Variants in ACSM5 observed in about 807,000 individuals in gnomAD.
The protein encoded by ACSM5 is acyl-CoA synthetase medium chain family member 5, also known as acyl-coenzyme A synthetase ACSM5, mitochondrial.
A neutral mutation model predicts 71.6 loss-of-function variants in ACSM5; 56 were observed. That is an observed-to-expected ratio of 0.78 (90% CI 0.63 to 0.98). The LOEUF is 0.98. Among genes scored for constraint, ACSM5 ranks in the 50% least tolerant of loss-of-function variants. The pLI is 0.00. For synonymous variants in ACSM5, 285 were observed against 281.5 expected, an observed-to-expected ratio of 1.01 and a Z score of -0.12; for missense variants, 723 against 726.0, an observed-to-expected ratio of 1.00 and a Z score of 0.05.
intron 7 of ACSM5, among the ~76,000 whole-genome samples, chr16:20,429,337 T>C (rs988325773): frequency 1.3e-5 from 2 of 150,964 alleles, no homozygotes; most frequent in African/African-American, 4.9e-5. Context: ...CTAATTCATC[T>C]ATCCTTTTCA....
At chr16:20,412,676 C>T (rs1448031447) in intron 2 of ACSM5, among the ~76,000 whole-genome samples, 1 of 152,012 alleles carries the variant, frequency 6.6e-6, no homozygotes, top group East Asian at 1.9e-4. Context: ...GGTTTTTGTC[C>T]AAAACAATTA....
At chr16:20,428,596 A>G (rs1031007063) in intron 7 of ACSM5, among the ~76,000 whole-genome samples, 4 of 152,124 alleles carry the variant, frequency 2.6e-5, no homozygotes, top group Non-Finnish European at 4.4e-5. Flanking sequence ...CATCTTTCCT[A>G]ATCACATGAA....
chr16:20,432,154 A>G (rs1178133864), intron 10 of ACSM5, among the ~76,000 whole-genome samples: 1 of 151,938 alleles, frequency 6.6e-6, no homozygotes, highest in East Asian at 1.9e-4. Flanking sequence ...TCTTTTCTTC[A>G]CAGCTTTCTC....
intron 9 of ACSM5, 61 bp downstream of exon 9, chr16:20,431,134 C>T: frequency 6.2e-7 from 1 of 1,600,286 alleles, no homozygotes; most frequent in Non-Finnish European, 8.6e-7. Context: ...ACACACAGGC[C>T]TGGTTGGCAC....
chr16:20,439,975 G>A, intron 13 of ACSM5, 56 bp downstream of exon 13: 1 of 1,603,860 alleles, frequency 6.2e-7, no homozygotes, highest in Non-Finnish European at 8.5e-7. Flanking sequence ...GGCACGCTCT[G>A]CCTGGGCTCC....
intron 3 of ACSM5, among the ~76,000 whole-genome samples, chr16:20,418,894 T>C (rs1966864993): frequency 6.6e-6 from 1 of 152,148 alleles, no homozygotes; most frequent in African/African-American, 2.4e-5. Context: ...CCAGTGATAT[T>C]ATCCCTTGCA....
In ACSM5 at chr16:20,423,965, ACT is replaced by A. The variant is rs1327460297; in HGVS notation, c.818_819del (p.Thr273ArgfsTer15). The A allele has an allele frequency of 1.9e-6, 3 of 1,614,182 alleles. No individual in the cohort carries two copies. The highest frequency in any genetic ancestry group is 2.5e-6 in the Non-Finnish European group (3 of 1,180,008). ...ESDIFWNTTD[T>X]GWVKAAWTLF... is the part of the protein sequence containing the mutation. ...TGACATCTTCTGGAACACGACTGAC[ACT>A]GGCTGGGTGAAGGCAGCCTGGACTC... On this transcript the variant is annotated frameshift_variant, in exon 6 of 14. Coordinates refer to ENST00000331849, the MANE Select transcript of ACSM5 (RefSeq NM_017888.3). LOFTEE classifies it high-confidence loss of function.
chr16:20,434,939 G>A lies in ACSM5; in HGVS notation c.1309-2113G>A, dbSNP rs372320309. Among the ~76,000 whole-genome samples, 161 of 152,326 alleles carry A rather than the reference G, an allele frequency of 1.1e-3. 3 individuals are homozygous for A. The South Asian group carries it at 0.032, about 30-fold the overall frequency. On this transcript the variant is annotated intron_variant, in intron 10 of 13. Transcript: ENST00000331849. ...TTGTATTTTAGAATCAACTTGTCAA[G>A]TTCCTTGGAAAATGTTTGCTAGCAT...
At position 20,424,904 on chromosome 16, in the gene ACSM5, A is replaced by T. The variant is rs538406229; in HGVS notation, c.921+835A>T. The stretch of plus-strand genomic sequence containing the variant: ...GGTGTATATATTTATGGGGTACATG[A>T]GATGTTTTGATGTAGGCATGCAATG... On this transcript the variant is annotated intron_variant, in intron 6 of 13. Transcript: ENST00000331849. Among the ~76,000 whole-genome samples, 63 of 152,338 alleles carry T rather than the reference A, an allele frequency of 4.1e-4. No individual in the cohort carries two copies. In the East Asian group the frequency reaches 5.2e-3, roughly 13 times the overall value.
At chr16:20,435,626 T>G (rs192461392) in intron 10 of ACSM5, among the ~76,000 whole-genome samples, 21 of 152,286 alleles carry the variant, frequency 1.4e-4, no homozygotes, top group Admixed American at 5.2e-4. Flanking sequence ...TCCTCTCCAC[T>G]CCAGACCCAG....
At chr16:20,418,852 AAAGG>A (rs1966864773) in intron 3 of ACSM5, among the ~76,000 whole-genome samples, 1 of 152,200 alleles carries the variant, frequency 6.6e-6, no homozygotes, top group Non-Finnish European at 1.5e-5. Context: ...TCCAGCTCCC[AAAGG>A]AAGGAAGATA....
intron 6 of ACSM5, among the ~76,000 whole-genome samples, chr16:20,427,045 G>A (rs1336409066): frequency 6.6e-6 from 1 of 151,504 alleles, no homozygotes; most frequent in African/African-American, 2.4e-5. Flanking sequence ...GTTCATACCT[G>A]TAATCCCAGC....
intron 6 of ACSM5, among the ~76,000 whole-genome samples, chr16:20,427,098 A>C (rs545991328): frequency 2.6e-5 from 4 of 151,804 alleles, no homozygotes; most frequent in Non-Finnish European, 5.9e-5. Flanking sequence ...GTCAGGAGTT[A>C]AAGACCAGCC....
chr16:20,417,489 T>G (rs1179621815), intron 2 of ACSM5, among the ~76,000 whole-genome samples: 1 of 152,160 alleles, frequency 6.6e-6, no homozygotes, highest in African/African-American at 2.4e-5. Context: ...ATATGAAATA[T>G]CCAGAAGATG....
At position 20,419,598 on chromosome 16, in the gene ACSM5, A is replaced by G. The variant is rs538406242; in HGVS notation, c.623+163A>G. 4 of 662,184 alleles carry G rather than the reference A, an allele frequency of 6.0e-6. No individual in the cohort carries two copies. In the East Asian group the frequency reaches 1.1e-4, roughly 18 times the overall value. 41.0% of individuals were successfully genotyped at this position (662,184 alleles called of 1,614,324 possible). On this transcript the variant is annotated intron_variant, in intron 4 of 13. Coordinates refer to ENST00000331849, the MANE Select transcript of ACSM5 (RefSeq NM_017888.3). Reference sequence around the variant, plus strand: ...GAGCATAATCCTGGTCCCTACCTTAATGTTCAAGGTCCCTCATTCAGTCAG... The same window carrying G: ...GAGCATAATCCTGGTCCCTACCTTAGTGTTCAAGGTCCCTCATTCAGTCAG...
At chr16:20,412,017 T>G in intron 2 of ACSM5, 1 of 335,452 alleles carries the variant, frequency 3.0e-6, no homozygotes, top group South Asian at 2.8e-5. Flanking sequence ...CTGTCTTTGA[T>G]GTTTTTCTCT....
chr16:20,429,832 C>T (rs369985079), intron 8 of ACSM5, 31 bp downstream of exon 8: 168 of 1,607,298 alleles, frequency 1.0e-4, no homozygotes, highest in Non-Finnish European at 1.1e-4. Context: ...GTCCCTACCC[C>T]CCAGGTCCCC....
At position 20,429,820 on chromosome 16, in the gene ACSM5, A is replaced by G. The variant is rs765264407; in HGVS notation, c.1125+19A>G. On this transcript the variant is annotated intron_variant, in intron 8 of 13. Coordinates refer to ENST00000331849, the MANE Select transcript of ACSM5 (RefSeq NM_017888.3). Reference sequence around the variant, plus strand: ...TGAAACGGTGAGTGCTGGAGGGGCCAGGTCCCTACCCCCCAGGTCCCCTCG... The same window carrying G: ...TGAAACGGTGAGTGCTGGAGGGGCCGGGTCCCTACCCCCCAGGTCCCCTCG... 1.9e-6 allele frequency: 3 copies of G among 1,610,666 alleles called. 1 individual carries two copies. Among genetic ancestry groups the G allele is most frequent in the East Asian group, 4.5e-5 (2 of 44,732 alleles).
chr16:20,421,258 G>T lies in ACSM5; in HGVS notation c.624G>T (p.Arg208=). ...CACCTAGTGTATTTACGTTTTACAG[G>T]GAGGCTTCTACAGAGCACAACTGCA... ...PGWLNFRELL[R]EASTEHNCMR... Residue 208 remains arginine (R), a splice_region_variant and synonymous_variant, in exon 5 of 14, where the codon CGG becomes CGT. Transcript: ENST00000331849. 6.4e-7 allele frequency: 1 copy of T among 1,559,528 alleles called. No individual in the cohort carries two copies. Among genetic ancestry groups the T allele is most frequent in the Non-Finnish European group, 8.7e-7 (1 of 1,145,246 alleles).
Sources: gnomAD v4.1 joint callset for allele counts (sites outside exome capture counted in the v4.1 genomes callset) on GRCh38, gnomAD v4.1.1 for gene constraint, MANE v1.5 for transcripts, NCBI Gene and HGNC (gene_info 2026-07-23, HGNC 2026-07-21) for gene names.